The following ZNF500 variants were observed in gnomAD, a reference collection of about 807,000 sequenced individuals.
ZNF500 encodes the protein zinc finger protein 500, also known as zinc finger protein with KRAB and SCAN domains 18.
In ZNF500, 31 loss-of-function variants were observed where a neutral mutation model predicts 30.1. The ratio of observed to expected loss-of-function variants is 1.03; its 90% confidence interval spans 0.77 to 1.39. The LOEUF (loss-of-function observed/expected upper bound fraction) is 1.39. ZNF500 is among the 40% of genes most tolerant of loss of function. The probability of loss-of-function intolerance (pLI) is 0.00; values close to 1 mark genes in which losing one functional copy is unlikely to be tolerated. For synonymous variants in ZNF500, 392 were observed against 282.0 expected, an observed-to-expected ratio of 1.39 and a Z score of -3.91; for missense variants, 817 against 657.8, an observed-to-expected ratio of 1.24 and a Z score of -2.65.
At chr16:4,763,853 G>C (rs34205630) in intron 2 of ZNF500, 14 of 985,332 alleles carry the variant, frequency 1.4e-5, no homozygotes, top group Non-Finnish European at 1.7e-5. Context: ...TCAAGCATTA[G>C]GGGATGTGCC....
intron 2 of ZNF500, 52 bp from the exon 3 acceptor site, chr16:4,762,808 A>C: frequency 6.5e-7 from 1 of 1,528,552 alleles, no homozygotes; most frequent in Non-Finnish European, 8.8e-7. Flanking sequence ...CAGAAGGAAA[A>C]ATCCCCGCAG....
At position 4,767,162 on chromosome 16, in the gene ZNF500, T is replaced by G. The variant is rs2082272715; in HGVS notation, c.-244A>C. ...TAAACCAGGGGTGCAAACCAGGCCG[T>G]GCGGGTGGGCCCGCAGGCGGCATTG... On this transcript the variant is annotated 5_prime_UTR_variant, in exon 1 of 6. Transcript: ENST00000219478. 6.6e-6 allele frequency: 1 copy of G among 152,172 alleles called. No individual in the cohort carries two copies. The allele number at this position is 152,172 out of a possible 1,614,324, so 9.4% of individuals were successfully genotyped here. A position where few individuals can be genotyped will look rare whatever the true frequency, so the allele number is the denominator to read the frequency against.
At chr16:4,762,904 G>A (rs2082222690) in intron 2 of ZNF500, 148 bp from the exon 3 acceptor site, 1 of 1,410,380 alleles carries the variant, frequency 7.1e-7, no homozygotes, top group East Asian at 2.6e-5. Context: ...CCAGCCGTGT[G>A]GCAGTGTTCC....
intron 5 of ZNF500, among the ~76,000 whole-genome samples, chr16:4,758,139 A>G (rs2082157653): frequency 6.6e-6 from 1 of 151,908 alleles, no homozygotes; most frequent in Admixed American, 6.6e-5. Context: ...CTCAGGTGAT[A>G]AACACTCGCC....
rs2082080844 is a variant in ZNF500, at chr16:4,751,831, C to A, written c.*545G>T. 2.9e-5 allele frequency: 18 copies of A among 628,458 alleles called. 1 individual carries two copies. In the South Asian group the frequency reaches 3.1e-4, roughly 11 times the overall value. The allele number at this position is 628,458 out of a possible 1,614,324, so 38.9% of individuals were successfully genotyped here. On this transcript the variant is annotated 3_prime_UTR_variant, in exon 6 of 6. Transcript: ENST00000219478. ...GATGAGGCAGGAGGAACACTTGAGC[C>A]CAGGGATTCGAGGCTGCAGTGAGCT...
chr16:4,758,276 GC>G (rs1360297196), intron 5 of ZNF500: 1 of 151,902 alleles, frequency 6.6e-6, no homozygotes, highest in Non-Finnish European at 1.5e-5. Flanking sequence ...AGGCTCTGGC[GC>G]CGGGTAAGTA....
Position 4,766,003 on chromosome 16 carries a change from T to C in ZNF500, c.-25A>G, listed in dbSNP as rs777578975. ...TTGCTTCCGGTGGGCCTTGTTCCTT[T>C]TCAGGCCTTAGAGTTGAACCTGTCT... On this transcript the variant is annotated 5_prime_UTR_variant, in exon 2 of 6. Coordinates refer to ENST00000219478, the MANE Select transcript of ZNF500 (RefSeq NM_021646.4). The C allele has an allele frequency of 6.6e-7, 1 of 1,525,506 alleles. No homozygotes were observed. Among genetic ancestry groups the C allele is most frequent in the Non-Finnish European group, 8.7e-7 (1 of 1,143,462 alleles). The allele number at this position is 1,525,506 out of a possible 1,614,324, so 94.5% of individuals were successfully genotyped here.
chr16:4,754,182 AT>A (rs1205299443), intron 5 of ZNF500, among the ~76,000 whole-genome samples: 30 of 152,304 alleles, frequency 2.0e-4, no homozygotes, highest in African/African-American at 7.0e-4. Context: ...GGCACACGCC[AT>A]GCTGACCTCA....
chr16:4,746,794 T>C (rs2082022804), downstream of ZNF500: 2 of 866,558 alleles, frequency 2.3e-6, no homozygotes, highest in Admixed American at 6.3e-5. Context: ...TGGCAGGACG[T>C]CCACCGGCCT....
intron 5 of ZNF500, chr16:4,753,280 G>A (rs1354931951): frequency 1.3e-6 from 1 of 796,104 alleles, no homozygotes; most frequent in Non-Finnish European, 1.8e-6. Context: ...GGGCAACGCA[G>A]TGAGATCTCG....
At chr16:4,756,204 A>G (rs1429591561) in intron 5 of ZNF500, 1 of 152,238 alleles carries the variant, frequency 6.6e-6, no homozygotes, top group Non-Finnish European at 1.5e-5. Context: ...TCTCGCCAAC[A>G]TGGCAAAACA....
downstream of ZNF500, chr16:4,747,745 G>A: frequency 7.6e-7 from 1 of 1,317,040 alleles, no homozygotes. Flanking sequence ...TCCAGAGGCA[G>A]GGACCCTCAG....
At chr16:4,760,350 G>T in intron 5 of ZNF500, 142 bp downstream of exon 5, 4 of 685,470 alleles carry the variant, frequency 5.8e-6, no homozygotes, top group Non-Finnish European at 7.3e-6. Flanking sequence ...CTGCAGGTGG[G>T]ACTCTGCAGG....
In ZNF500 at chr16:4,751,917, A is replaced by AAAG; in HGVS notation, c.*458_*459insCTT. On this transcript the variant is annotated 3_prime_UTR_variant, in exon 6 of 6. Transcript: ENST00000219478. ...AGCAAGGCCCCGTCTCAAAAAAAAAAGGGGGGGGGAGCAGGTGGGGGGTAC... is the reference window on the plus strand; with the variant it reads ...AGCAAGGCCCCGTCTCAAAAAAAAAAAAGGGGGGGGGGAGCAGGTGGGGGGTAC... 2 of 218,948 alleles carry AAAG rather than the reference A, an allele frequency of 9.1e-6. No individual in the cohort carries two copies. The highest frequency in any genetic ancestry group is 9.2e-5 in the South Asian group (1 of 10,862). The allele number at this position is 218,948 out of a possible 1,614,324, so 13.6% of individuals were successfully genotyped here.
At chr16:4,761,478 T>TACACAC (rs71139657) in intron 4 of ZNF500, among the ~76,000 whole-genome samples, 6 of 129,748 alleles carry the variant, frequency 4.6e-5, no homozygotes, top group African/African-American at 1.5e-4. Flanking sequence ...TACACATACA[T>TACACAC]ACACACACAC....
chr16:4,757,436 T>C (rs1023719536), intron 5 of ZNF500, among the ~76,000 whole-genome samples: 1 of 151,360 alleles, frequency 6.6e-6, no homozygotes, highest in Admixed American at 6.6e-5. Flanking sequence ...CCTCAGCCTC[T>C]CAAGCAGCTG....
downstream of ZNF500, chr16:4,745,124 A>C: frequency 7.4e-7 from 1 of 1,346,036 alleles, no homozygotes; most frequent in Non-Finnish European, 1.0e-6. Flanking sequence ...TTTCTCAGTC[A>C]CTCTCAAGCA....
At chr16:4,745,676 C>T (rs187697793), downstream of ZNF500, among the ~76,000 whole-genome samples, 27 of 152,298 alleles carry the variant, frequency 1.8e-4, no homozygotes, top group Non-Finnish European at 2.4e-4. Flanking sequence ...CCTGGCTGGG[C>T]GCGGTGGCTC....
chr16:4,762,149 A>C, intron 4 of ZNF500, 122 bp downstream of exon 4: 1 of 1,123,306 alleles, frequency 8.9e-7, no homozygotes, highest in Non-Finnish European at 1.3e-6. Flanking sequence ...ACTCCAGGGA[A>C]GAGCTCCTCT....
Sources: gnomAD v4.1 joint callset for allele counts (sites outside exome capture counted in the v4.1 genomes callset) on GRCh38, gnomAD v4.1.1 for gene constraint, MANE v1.5 for transcripts, NCBI Gene and HGNC (gene_info 2026-07-23, HGNC 2026-07-21) for gene names.